C1QTNF9: variants seen among roughly 807,000 people sequenced by gnomAD.
The protein encoded by C1QTNF9 is C1q and TNF related 9, also known as complement C1q and tumor necrosis factor-related protein 9A.
C1QTNF9 carries 6 observed loss-of-function variants against 10.1 expected under a neutral mutation model. The ratio of observed to expected loss-of-function variants is 0.59; its 90% confidence interval spans 0.32 to 1.17. The LOEUF is 1.17. Among genes scored for constraint, C1QTNF9 ranks in the 50% most tolerant of loss-of-function variants. The pLI, the probability that C1QTNF9 is intolerant of heterozygous loss-of-function variation, is 0.04. For missense variants in C1QTNF9, 201 were observed against 418.8 expected (o/e 0.48, Z 4.54); for synonymous variants, 98 against 163.5 (o/e 0.60, Z 3.06).
rs10663026 is a variant in C1QTNF9 at position 24,317,254 on chromosome 13, AGT to A, written c.166+1114_166+1115del. ...TCTGCCCTCACACTGGGACCACAGTAGTGTGTGTGTGTGTGTGTGTGTGTGTG... is the reference window on the plus strand; with the variant it reads ...TCTGCCCTCACACTGGGACCACAGTAGTGTGTGTGTGTGTGTGTGTGTGTG... On this transcript the variant is annotated intron_variant, in intron 2 of 3. Transcript: ENST00000332018. Among the ~76,000 whole-genome samples the A allele has an allele frequency of 5.1e-3, 645 of 125,538 alleles. 7 individuals carry two copies. The highest frequency in any genetic ancestry group is 0.017 in the Admixed American group (218 of 12,676). The allele number at this position is 125,538 out of a possible 152,430, so 82.4% of individuals were successfully genotyped here.
chr13:24,317,393 T>G (rs1358246625), intron 2 of C1QTNF9, among the ~76,000 whole-genome samples: 2 of 152,158 alleles, frequency 1.3e-5, no homozygotes, highest in African/African-American at 4.8e-5. Context: ...CAAACACTCC[T>G]ATATTCAATA....
exon 4 of C1QTNF9, chr13:24,321,257 G>A: frequency 7.9e-7 from 1 of 1,271,556 alleles, no homozygotes; most frequent in South Asian, 1.3e-5. Context: ...GGTCCCAAAG[G>A]AGAAGCTGGA....
chr13:24,318,524 T>C (rs2148236), intron 2 of C1QTNF9, among the ~76,000 whole-genome samples: 1 of 151,696 alleles, frequency 6.6e-6, no homozygotes. Flanking sequence ...TCAGTCCCCA[T>C]TGCACACACT....
At position 24,320,876 on chromosome 13, in the gene C1QTNF9, G is replaced by A. The variant is rs1449619074; in HGVS notation, c.230-120G>A. On this transcript the variant is annotated intron_variant, in intron 3 of 3. Coordinates refer to ENST00000332018, the Ensembl canonical transcript of C1QTNF9. ...GGAGTAATTGAATTTTAAACTCTGG[G>A]CATATACTGAACCTGTGCACTACTT... The A allele has an allele frequency of 4.2e-6, 4 of 959,594 alleles. No homozygotes were observed. The African/African-American group carries it at 4.7e-5, about 11-fold the overall frequency. 59.4% of individuals were successfully genotyped at this position (959,594 alleles called of 1,614,324 possible). A position where few individuals can be genotyped will look rare whatever the true frequency, so the allele number is the denominator to read the frequency against.
At chr13:24,314,128 C>G (rs1877939275) in intron 1 of C1QTNF9, among the ~76,000 whole-genome samples, 1 of 152,184 alleles carries the variant, frequency 6.6e-6, no homozygotes, top group Non-Finnish European at 1.5e-5. Flanking sequence ...ACATAGATGT[C>G]TTTTGCTCTT....
rs905544277 is a variant in C1QTNF9 at position 24,313,870 on chromosome 13, G to C, written c.-22-2112G>C. ...ACAGTCGTAAGTACATTTATAATGT[G>C]CATGGCATTTTAGTCTACTATCAAA... On this transcript the variant is annotated intron_variant, in intron 1 of 3. Transcript: ENST00000332018. 2.0e-5 allele frequency among the ~76,000 whole-genome samples: 3 copies of C among 152,150 alleles called. No homozygotes were observed. In the East Asian group the frequency reaches 5.8e-4, roughly 29 times the overall value.
chr13:24,315,406 T>C (rs936024348), intron 1 of C1QTNF9, among the ~76,000 whole-genome samples: 3 of 152,262 alleles, frequency 2.0e-5, no homozygotes, highest in African/African-American at 7.2e-5. Flanking sequence ...GGCTGAAGAA[T>C]ATTCCATTGT....
chr13:24,314,783 C>T (rs1191195434), intron 1 of C1QTNF9, among the ~76,000 whole-genome samples: 3 of 151,988 alleles, frequency 2.0e-5, no homozygotes, highest in Non-Finnish European at 4.4e-5. Flanking sequence ...GTTGAGACTA[C>T]AGTGAGCTGT....
intron 2 of C1QTNF9, among the ~76,000 whole-genome samples, chr13:24,317,254 A>AGTGTGTGT (rs10663026): frequency 1.6e-3 from 205 of 125,970 alleles, no homozygotes; most frequent in African/African-American, 2.2e-3. Flanking sequence ...GGACCACAGT[A>AGTGTGTGT]GTGTGTGTGT....
chr13:24,319,358 G>T (rs547127581), intron 3 of C1QTNF9, among the ~76,000 whole-genome samples: 1 of 152,034 alleles, frequency 6.6e-6, no homozygotes, highest in Admixed American at 6.5e-5. Context: ...GGGCAACATA[G>T]TAAGACTTTG....
chr13:24,312,894 G>A (rs1173722802), intron 1 of C1QTNF9, among the ~76,000 whole-genome samples: 1 of 149,818 alleles, frequency 6.7e-6, no homozygotes, highest in Non-Finnish European at 1.5e-5. Context: ...GGCAGAGCTT[G>A]CAGTGAGCCA....
intron 2 of C1QTNF9, 75 bp downstream of exon 2, chr13:24,316,244 G>A: frequency 1.3e-6 from 2 of 1,528,508 alleles, no homozygotes; most frequent in South Asian, 2.4e-5. Flanking sequence ...CATCATCTGT[G>A]TGATTTTCCA....
At chr13:24,311,492 A>T (rs1389277705) in intron 1 of C1QTNF9, among the ~76,000 whole-genome samples, 5 of 152,222 alleles carry the variant, frequency 3.3e-5, no homozygotes, top group African/African-American at 7.2e-5. Context: ...ATATCAATGT[A>T]TAGAGATCTT....
At chr13:24,319,278 C>G (rs1026736845) in intron 3 of C1QTNF9, among the ~76,000 whole-genome samples, 42 of 152,328 alleles carry the variant, frequency 2.8e-4, no homozygotes, top group African/African-American at 9.9e-4. Context: ...ATGGCCCACA[C>G]CTGTAATCCC....
chr13:24,317,677 T>TA (rs1412402208), intron 2 of C1QTNF9, among the ~76,000 whole-genome samples: 3 of 152,098 alleles, frequency 2.0e-5, no homozygotes, highest in Non-Finnish European at 4.4e-5. Context: ...GTGCATAATG[T>TA]AGAAACATAT....
At chr13:24,314,339 A>G (rs1402654683) in intron 1 of C1QTNF9, among the ~76,000 whole-genome samples, 2 of 151,592 alleles carry the variant, frequency 1.3e-5, no homozygotes, top group Non-Finnish European at 2.9e-5. Flanking sequence ...GGATTTCAAG[A>G]CCAGCCTGGG....
At chr13:24,309,327 G>A (rs1314321086), upstream of C1QTNF9, among the ~76,000 whole-genome samples, 6 of 111,386 alleles carry the variant, frequency 5.4e-5, no homozygotes, top group Non-Finnish European at 9.6e-5. Context: ...CCTGCCTGGG[G>A]CACTCCTTCC....
At chr13:24,312,523 G>C (rs1384312562) in intron 1 of C1QTNF9, among the ~76,000 whole-genome samples, 1 of 152,190 alleles carries the variant, frequency 6.6e-6, no homozygotes, top group Non-Finnish European at 1.5e-5. Flanking sequence ...AGCTTTGTGA[G>C]AGGCACAAAT....
At position 24,319,618 on chromosome 13, in the gene C1QTNF9, G is replaced by A. The variant is rs116574173; in HGVS notation, c.229+738G>A. Among the ~76,000 whole-genome samples the A allele has an allele frequency of 5.0e-3, 765 of 152,212 alleles. 9 individuals carry two copies. Among genetic ancestry groups the A allele is most frequent in the African/African-American group, 0.017 (720 of 41,516 alleles). On this transcript the variant is annotated intron_variant, in intron 3 of 3. Transcript: ENST00000332018. ...TGTAAACCATATTTGTTTAGCTTGCGGGAGGGAGGCTGAATTTGGCCTGTG... is the reference window on the plus strand; with the variant it reads ...TGTAAACCATATTTGTTTAGCTTGCAGGAGGGAGGCTGAATTTGGCCTGTG...
Sources: allele counts gnomAD v4.1 joint callset (sites outside exome capture counted in the v4.1 genomes callset), GRCh38; gene constraint gnomAD v4.1.1; transcripts MANE v1.5; gene names NCBI Gene and HGNC (gene_info 2026-07-23, HGNC 2026-07-21).